TRAF3: variants seen among roughly 807,000 people sequenced by gnomAD.
The protein encoded by TRAF3 is TNF receptor-associated factor 3.
Under a neutral mutation model 62.3 loss-of-function variants are expected in TRAF3, and 13 were observed. The observed-to-expected ratio is 0.21, with a 90% CI of 0.14 to 0.33. The LOEUF (loss-of-function observed/expected upper bound fraction) is 0.33. TRAF3 is among the 10% of genes least tolerant of loss of function. TRAF3 has a pLI of 1.00. For missense variants in TRAF3, 440 were observed against 741.8 expected (o/e 0.59, Z 4.73); for synonymous variants, 269 against 283.4 (o/e 0.95, Z 0.51).
At chr14:102,885,457 G>A (rs1267163740) in intron 6 of TRAF3, among the ~76,000 whole-genome samples, 1 of 152,122 alleles carries the variant, frequency 6.6e-6, no homozygotes, top group African/African-American at 2.4e-5. Flanking sequence ...TCTCCCCAGG[G>A]GCCCTGCAGT....
intron 1 of TRAF3, among the ~76,000 whole-genome samples, chr14:102,780,456 A>G (rs74084195): frequency 6.6e-6 from 1 of 152,184 alleles, no homozygotes; most frequent in South Asian, 2.1e-4. Context: ...ATTCCAGGAA[A>G]GGGGGTGGGG....
At chr14:102,872,115 A>T in intron 4 of TRAF3, 147 bp downstream of exon 4, 1 of 822,954 alleles carries the variant, frequency 1.2e-6, no homozygotes, top group Non-Finnish European at 2.1e-6. Flanking sequence ...ACACTGTGCC[A>T]TGTGATCACC....
At chr14:102,778,099 C>T (rs974250811) in intron 1 of TRAF3, among the ~76,000 whole-genome samples, 15 of 150,582 alleles carry the variant, frequency 1.0e-4, no homozygotes, top group Middle Eastern at 3.5e-3. Context: ...GCGCGCTGCC[C>T]GGGCCGGCCG....
intron 1 of TRAF3, among the ~76,000 whole-genome samples, chr14:102,779,314 A>T (rs1005523193): frequency 7.7e-6 from 1 of 129,746 alleles, no homozygotes. Flanking sequence ...ATTCATGTGA[A>T]TTTCTCTGCG....
At chr14:102,871,017 C>CCT (rs1337245410) in intron 3 of TRAF3, among the ~76,000 whole-genome samples, 1 of 152,216 alleles carries the variant, frequency 6.6e-6, no homozygotes, top group African/African-American at 2.4e-5. Flanking sequence ...TAGCATCGGC[C>CCT]AGAAGAGCAC....
At chr14:102,889,134 T>C (rs2139933399) in intron 7 of TRAF3, among the ~76,000 whole-genome samples, 1 of 152,344 alleles carries the variant, frequency 6.6e-6, no homozygotes, top group South Asian at 2.1e-4. Flanking sequence ...GAAAATATAT[T>C]TATTTTTGTG....
At chr14:102,899,242 T>C (rs1890155302) in intron 10 of TRAF3, among the ~76,000 whole-genome samples, 1 of 152,204 alleles carries the variant, frequency 6.6e-6, no homozygotes, top group Non-Finnish European at 1.5e-5. Context: ...AGGAGGATTC[T>C]GCACTGTCCA....
intron 1 of TRAF3, among the ~76,000 whole-genome samples, chr14:102,816,062 A>G (rs1899498887): frequency 6.6e-6 from 1 of 152,032 alleles, no homozygotes; most frequent in Non-Finnish European, 1.5e-5. Flanking sequence ...AAAAACACCA[A>G]TTGACCATAA....
rs1444317067 is a variant in TRAF3 at position 102,907,648 on chromosome 14, TTGG to T, written c.*1868_*1870del. On this transcript the variant is annotated 3_prime_UTR_variant, in exon 12 of 12. Transcript: ENST00000392745. Reference sequence around the variant, plus strand: ...CTCCCCGTGGCCGCGCGGGGACAGCTTGGTGGGTGCCCGGTGGCCCACCTGTCT... The same window carrying T: ...CTCCCCGTGGCCGCGCGGGGACAGCTTGGGTGCCCGGTGGCCCACCTGTCT... 1.3e-5 allele frequency: 2 copies of T among 152,298 alleles called. No individual in the cohort carries two copies. Among genetic ancestry groups the T allele is most frequent in the African/African-American group, 2.4e-5 (1 of 41,460 alleles). 9.4% of individuals were successfully genotyped at this position (152,298 alleles called of 1,614,324 possible). A position where few individuals can be genotyped will look rare whatever the true frequency, so the allele number is the denominator to read the frequency against.
chr14:102,784,997 AG>A lies in TRAF3; in HGVS notation c.-157+7324del, dbSNP rs540222430. 8.5e-5 allele frequency among the ~76,000 whole-genome samples: 13 copies of A among 152,316 alleles called. No homozygotes were observed. The East Asian group carries it at 2.5e-3, about 29-fold the overall frequency. ...TTTGTGACAGCCTAACTTCTGAGGC[AG>A]GAATTCTCCCCATTTTGCAGATGAG... On this transcript the variant is annotated intron_variant, in intron 1 of 11. Coordinates refer to ENST00000392745, the MANE Select transcript of TRAF3 (RefSeq NM_145725.3).
chr14:102,846,757 C>T (rs568812720), intron 2 of TRAF3, among the ~76,000 whole-genome samples: 15 of 151,994 alleles, frequency 9.9e-5, no homozygotes, highest in African/African-American at 2.7e-4. Flanking sequence ...TCGAGGCTGC[C>T]GTGAGTTGTG....
intron 1 of TRAF3, among the ~76,000 whole-genome samples, chr14:102,788,151 G>A (rs1897601246): frequency 6.6e-6 from 1 of 151,790 alleles, no homozygotes; most frequent in Non-Finnish European, 1.5e-5. Flanking sequence ...CCCCACACCC[G>A]GCCTGCAGAG....
chr14:102,779,415 A>G lies in TRAF3; in HGVS notation c.-157+1740A>G, dbSNP rs188948208. Among the ~76,000 whole-genome samples, 506 of 152,110 alleles carry G rather than the reference A, an allele frequency of 3.3e-3. 1 individual carries two copies. Among genetic ancestry groups the G allele is most frequent in the Admixed American group, 7.5e-3 (114 of 15,258 alleles). On this transcript the variant is annotated intron_variant, in intron 1 of 11. Transcript: ENST00000392745. ...TCACTCAGTGAGAGGCTGTAAAGAC[A>G]TTTCACTGGAAACAGGCAGTAACAG...
chr14:102,880,012 A>T (rs1286589679), intron 6 of TRAF3, among the ~76,000 whole-genome samples: 2 of 152,148 alleles, frequency 1.3e-5, no homozygotes, highest in Non-Finnish European at 2.9e-5. Context: ...GCTACTAGGG[A>T]GGCCAAGGTA....
At chr14:102,886,637 T>C (rs541330971) in intron 7 of TRAF3, among the ~76,000 whole-genome samples, 1 of 152,082 alleles carries the variant, frequency 6.6e-6, no homozygotes, top group East Asian at 1.9e-4. Flanking sequence ...GCACCTGTAA[T>C]CCCAGCTATT....
At chr14:102,892,990 G>A (rs981376574) in intron 9 of TRAF3, among the ~76,000 whole-genome samples, 2 of 152,110 alleles carry the variant, frequency 1.3e-5, no homozygotes, top group Non-Finnish European at 2.9e-5. Context: ...TTTGAAGCTG[G>A]CATTTTATTT....
intron 1 of TRAF3, among the ~76,000 whole-genome samples, chr14:102,813,839 C>T (rs537392628): frequency 1.3e-5 from 2 of 151,728 alleles, no homozygotes; most frequent in African/African-American, 4.8e-5. Context: ...ATGAATAGTT[C>T]GCAAATACTT....
Position 102,826,129 on chromosome 14 carries a change from C to T in TRAF3, c.-156-4205C>T, listed in dbSNP as rs1044365887. Among the ~76,000 whole-genome samples, 4 of 152,166 alleles carry T rather than the reference C, an allele frequency of 2.6e-5. No individual in the cohort carries two copies. The highest frequency in any genetic ancestry group is 2.9e-5 in the Non-Finnish European group (2 of 68,022). ...TAACAACGTCTTTTCCAGTTGGTGT[C>T]AGTGAACTCTGTTTTGGGTATCTAC... On this transcript the variant is annotated intron_variant, in intron 1 of 11. Transcript: ENST00000392745. This position sits in a 1 kb window ranked among gnomAD's most constrained non-coding sequence, Gnocchi z 4.6.
intron 1 of TRAF3, among the ~76,000 whole-genome samples, chr14:102,789,192 G>C (rs1897660831): frequency 6.6e-6 from 1 of 152,146 alleles, no homozygotes; most frequent in South Asian, 2.1e-4. Context: ...GCATGTGCCA[G>C]TATTTGTTCC....
Sources: gnomAD v4.1 joint callset for allele counts (sites outside exome capture counted in the v4.1 genomes callset) on GRCh38, gnomAD v4.1.1 for gene constraint, Gnocchi (gnomAD v3.1) non-coding constraint, MANE v1.5 for transcripts, NCBI Gene and HGNC (gene_info 2026-07-23, HGNC 2026-07-21) for gene names.